CCDC192: variants seen among roughly 807,000 people sequenced by gnomAD.
CCDC192 encodes coiled-coil domain containing 192.
At chr5:127,759,297 T>C (rs1341237893) in intron 3 of CCDC192, among the ~76,000 whole-genome samples, 2 of 152,192 alleles carry the variant, frequency 1.3e-5, no homozygotes, top group South Asian at 2.1e-4. Flanking sequence ...AAAAAAACCA[T>C]ATATTGAAAC....
At chr5:127,805,143 C>T (rs1420861004) in intron 5 of CCDC192, among the ~76,000 whole-genome samples, 2 of 152,168 alleles carry the variant, frequency 1.3e-5, no homozygotes, top group African/African-American at 2.4e-5. Flanking sequence ...TGATGCTTGT[C>T]ATGACTAATT....
intron 3 of CCDC192, among the ~76,000 whole-genome samples, chr5:127,770,719 G>T (rs374007666): frequency 6.6e-6 from 1 of 152,188 alleles, no homozygotes; most frequent in Non-Finnish European, 1.5e-5. Flanking sequence ...TAGAGCTAAA[G>T]GCAGTAACGA....
chr5:127,893,183 C>A (rs1420508225), intron 6 of CCDC192, among the ~76,000 whole-genome samples: 1 of 152,184 alleles, frequency 6.6e-6, no homozygotes, highest in Non-Finnish European at 1.5e-5. Context: ...TCTCTCCACC[C>A]AGCTACACTG....
intron 3 of CCDC192, among the ~76,000 whole-genome samples, chr5:127,771,524 A>G (rs1755550916): frequency 1.3e-5 from 2 of 152,208 alleles, no homozygotes; most frequent in Non-Finnish European, 2.9e-5. Flanking sequence ...TCATGTTTAT[A>G]TGCTGAATGG....
At chr5:127,934,581 G>A (rs1311886639) in intron 6 of CCDC192, among the ~76,000 whole-genome samples, 1 of 152,110 alleles carries the variant, frequency 6.6e-6, no homozygotes, top group East Asian at 1.9e-4. Context: ...AACATTAAAA[G>A]GGGAGGACAG....
intron 5 of CCDC192, among the ~76,000 whole-genome samples, chr5:127,808,376 A>G (rs1012091742): frequency 6.6e-6 from 1 of 151,942 alleles, no homozygotes; most frequent in African/African-American, 2.4e-5. Flanking sequence ...TACAGTCTCA[A>G]AGTAAATCAA....
chr5:127,901,243 T>A (rs1480169208), intron 6 of CCDC192, among the ~76,000 whole-genome samples: 2 of 152,216 alleles, frequency 1.3e-5, no homozygotes, highest in South Asian at 2.1e-4. Flanking sequence ...GAAATTAAAC[T>A]GTTTTGTTAA....
rs541865412 is a variant in CCDC192, at chr5:127,854,242, C to T, written c.412-21296C>T. 9.8e-5 allele frequency among the ~76,000 whole-genome samples: 15 copies of T among 152,286 alleles called. 1 individual carries two copies. The South Asian group carries it at 3.1e-3, about 32-fold the overall frequency. On this transcript the variant is annotated intron_variant, in intron 5 of 6. Transcript: ENST00000514853. ...ATCCTACACATTTTTTCTCTTTTCACTCTCTGGTGTTTCCAGAGACAATCT... is the reference window on the plus strand; with the variant it reads ...ATCCTACACATTTTTTCTCTTTTCATTCTCTGGTGTTTCCAGAGACAATCT...
At chr5:127,828,679 A>G (rs1321016808) in intron 5 of CCDC192, among the ~76,000 whole-genome samples, 2 of 152,180 alleles carry the variant, frequency 1.3e-5, no homozygotes, top group Non-Finnish European at 2.9e-5. Flanking sequence ...CCCCTAATTG[A>G]GCCTGAGAGT....
Position 127,764,249 on chromosome 5 carries a change from C to T in CCDC192, c.222+9874C>T, listed in dbSNP as rs536893087. On this transcript the variant is annotated intron_variant, in intron 3 of 6. Coordinates refer to ENST00000514853, the MANE Select transcript of CCDC192 (RefSeq NM_001317938.2). ...GACTGAGAAGGACAGATTTGAGAGA[C>T]CAAAGCCAGGCATATCAATGTGTAG... 2.6e-5 allele frequency among the ~76,000 whole-genome samples: 4 copies of T among 152,228 alleles called. No individual in the cohort carries two copies. In the South Asian group the frequency reaches 8.3e-4, roughly 32 times the overall value.
intron 5 of CCDC192, among the ~76,000 whole-genome samples, chr5:127,808,067 G>A (rs1757891252): frequency 6.6e-6 from 1 of 152,148 alleles, no homozygotes; most frequent in Non-Finnish European, 1.5e-5. Context: ...ATGCCTTCCT[G>A]CACCAGTAAT....
At chr5:127,905,071 G>T (rs1753159188) in intron 6 of CCDC192, among the ~76,000 whole-genome samples, 1 of 151,824 alleles carries the variant, frequency 6.6e-6, no homozygotes, top group Admixed American at 6.6e-5. Flanking sequence ...TGCTGAAAAG[G>T]AGCTGCCTGG....
intron 2 of CCDC192, among the ~76,000 whole-genome samples, chr5:127,712,470 C>G (rs1561440535): frequency 1.3e-5 from 2 of 152,216 alleles, no homozygotes; most frequent in Admixed American, 6.5e-5. Context: ...GATATCTGCA[C>G]ATTCCTGTTC....
chr5:127,864,617 A>C (rs1307013876), intron 5 of CCDC192, among the ~76,000 whole-genome samples: 1 of 152,218 alleles, frequency 6.6e-6, no homozygotes, highest in Non-Finnish European at 1.5e-5. Flanking sequence ...TAGAGCAAGG[A>C]CATTTGTTTA....
At chr5:127,835,334 G>A (rs541490848) in intron 5 of CCDC192, among the ~76,000 whole-genome samples, 10 of 152,326 alleles carry the variant, frequency 6.6e-5, no homozygotes, top group Non-Finnish European at 2.9e-5. Context: ...AATTCACTCT[G>A]ATATTTTTCA....
chr5:127,833,321 A>G (rs984226663), intron 5 of CCDC192, among the ~76,000 whole-genome samples: 1 of 152,162 alleles, frequency 6.6e-6, no homozygotes, highest in Non-Finnish European at 1.5e-5. Context: ...ATCACTTTCA[A>G]AATTATTTAG....
intron 6 of CCDC192, among the ~76,000 whole-genome samples, chr5:127,890,298 G>A (rs921376324): frequency 6.6e-6 from 1 of 152,026 alleles, no homozygotes; most frequent in African/African-American, 2.4e-5. Context: ...GATCACTTGA[G>A]CCTGGGTGGT....
At chr5:127,844,781 C>T (rs1358952925) in intron 5 of CCDC192, among the ~76,000 whole-genome samples, 1 of 152,310 alleles carries the variant, frequency 6.6e-6, no homozygotes, top group South Asian at 2.1e-4. Context: ...TTTGTTGTTT[C>T]GTACCATGTG....
At chr5:127,918,235 A>AG (rs1371949563) in intron 6 of CCDC192, among the ~76,000 whole-genome samples, 1 of 151,166 alleles carries the variant, frequency 6.6e-6, no homozygotes, top group Non-Finnish European at 1.5e-5. Context: ...AAAAAAAAAA[A>AG]GTAGTATCTA....
Sources: allele counts gnomAD v4.1 joint callset (sites outside exome capture counted in the v4.1 genomes callset), GRCh38; gene constraint gnomAD v4.1.1; transcripts MANE v1.5; gene names NCBI Gene and HGNC (gene_info 2026-07-23, HGNC 2026-07-21).